The following PARVG variants were observed in gnomAD, a reference collection of about 807,000 sequenced individuals.
PARVG encodes parvin gamma.
A neutral mutation model predicts 44.4 loss-of-function variants in PARVG; 36 were observed. The observed-to-expected ratio is 0.81, with a 90% CI of 0.62 to 1.07. PARVG has a LOEUF of 1.07. Ranked by LOEUF, PARVG falls within the 50% of genes least tolerant of loss-of-function variation. The pLI, the probability that PARVG is intolerant of heterozygous loss-of-function variation, is 0.00. For synonymous variants in PARVG, 170 were observed against 174.1 expected (o/e 0.98, Z 0.19); for missense variants, 407 against 407.4 (o/e 1.00, Z 0.01).
chr22:44,204,362 G>T (rs911220073), intron 12 of PARVG, among the ~76,000 whole-genome samples: 1 of 152,198 alleles, frequency 6.6e-6, no homozygotes, highest in African/African-American at 2.4e-5. Flanking sequence ...CACATTGGAC[G>T]CACATGGCAG....
chr22:44,205,633 T>A, intron 12 of PARVG, 124 bp from the exon 13 acceptor site: 1 of 1,148,210 alleles, frequency 8.7e-7, no homozygotes, highest in Non-Finnish European at 1.3e-6. Context: ...GATGCCCACC[T>A]TGGATGGGAG....
intron 6 of PARVG, among the ~76,000 whole-genome samples, chr22:44,189,869 A>G (rs1198249055): frequency 1.3e-5 from 2 of 152,160 alleles, no homozygotes; most frequent in African/African-American, 4.8e-5. Context: ...GTGAGCCCAG[A>G]TTGCACCACT....
At chr22:44,204,952 G>C (rs1229940837) in intron 12 of PARVG, among the ~76,000 whole-genome samples, 1 of 152,194 alleles carries the variant, frequency 6.6e-6, no homozygotes, top group East Asian at 1.9e-4. Context: ...GGGCCGGCAG[G>C]CTCCTGGGCT....
intron 12 of PARVG, among the ~76,000 whole-genome samples, chr22:44,199,711 G>A (rs470111): frequency 0.48 from 72,807 of 151,770 alleles, 19,518 homozygotes; most frequent in Non-Finnish European, 0.61. Flanking sequence ...GAGGGGAGCC[G>A]GGAAGTTGAT....
chr22:44,181,419 G>GA (rs1364308277), intron 1 of PARVG: 2 of 984,450 alleles, frequency 2.0e-6, no homozygotes, highest in Non-Finnish European at 2.4e-6. Flanking sequence ...CTGGCCCGGG[G>GA]CGGGGTGTGG....
At chr22:44,183,683 C>T in intron 3 of PARVG, 2 of 441,466 alleles carry the variant, frequency 4.5e-6, no homozygotes, top group Non-Finnish European at 7.9e-6. Context: ...AGTGCCCCTA[C>T]TGCACCAGCA....
chr22:44,202,723 C>T (rs570252139), intron 12 of PARVG, among the ~76,000 whole-genome samples: 3 of 152,232 alleles, frequency 2.0e-5, no homozygotes, highest in Non-Finnish European at 4.4e-5. Flanking sequence ...AGGTGGGCCT[C>T]TGCGGAATTG....
In PARVG at chr22:44,206,515, T is replaced by C. The variant is rs565580675; in HGVS notation, c.*89T>C. ...GGTGTCCTCCCACAGTCCCGCTGTT[T>C]CCTGTGCATTCGTGACCCGCTTCCC... is the stretch of plus-strand genomic sequence containing the variant. On this transcript the variant is annotated 3_prime_UTR_variant, in exon 14 of 14. Coordinates refer to ENST00000444313, the MANE Select transcript of PARVG (RefSeq NM_022141.7). 1.1e-4 allele frequency: 128 copies of C among 1,170,340 alleles called. No individual in the cohort carries two copies. The highest frequency in any genetic ancestry group is 2.3e-5 in the Non-Finnish European group (18 of 787,444). 72.5% of individuals were successfully genotyped at this position (1,170,340 alleles called of 1,614,324 possible).
chr22:44,173,954 C>T (rs977851995), intron 1 of PARVG, among the ~76,000 whole-genome samples: 1 of 152,194 alleles, frequency 6.6e-6, no homozygotes, highest in Non-Finnish European at 1.5e-5. Flanking sequence ...CCTGTCTTCG[C>T]CTGCACTTTT....
intron 1 of PARVG, 82 bp downstream of exon 1, chr22:44,181,267 T>C (rs962785044): frequency 3.4e-5 from 31 of 910,328 alleles, no homozygotes; most frequent in Non-Finnish European, 3.9e-5. Context: ...TTGGTGGGTT[T>C]GAGTGAGTGG....
At chr22:44,177,637 C>T (rs569850174), upstream of PARVG, among the ~76,000 whole-genome samples, 40 of 152,242 alleles carry the variant, frequency 2.6e-4, no homozygotes, top group Admixed American at 5.2e-4. Flanking sequence ...CCAGGTTATG[C>T]GTTTTCGGTA....
At position 44,189,191 on chromosome 22, in the gene PARVG, G is replaced by A; in HGVS notation, c.325G>A (p.Val109Met). The part of the protein sequence containing the change: ...ATSQKHKLTV[V>M]LEAVNRSLQL... ...AAGCCAGAAGCACAAGCTCACAGTG[G>A]TGCTGGAGGCCGTGAACCGGAGTCT... Residue 109 changes from valine (V) to methionine (M), a missense_variant, in exon 6 of 14, where the codon GTG (valine) becomes ATG (methionine). Transcript: ENST00000444313. 4 of 1,614,254 alleles carry A rather than the reference G, an allele frequency of 2.5e-6. No homozygotes were observed. The highest frequency in any genetic ancestry group is 1.1e-5 in the South Asian group (1 of 91,090).
At chr22:44,193,306 G>T (rs547632614) in intron 8 of PARVG, among the ~76,000 whole-genome samples, 1 of 152,330 alleles carries the variant, frequency 6.6e-6, no homozygotes, top group East Asian at 1.9e-4. Flanking sequence ...ACGCAGTATG[G>T]TTTCATTTCC....
rs2054516287 is a variant in PARVG, at chr22:44,189,221, C to G, written c.355C>G (p.Leu119Val). ...GGAGGCCGTGAACCGGAGTCTGCAGCTGGAGGAGTGGCAGGCCAAGTGGAG... is the reference window on the plus strand; with the variant it reads ...GGAGGCCGTGAACCGGAGTCTGCAGGTGGAGGAGTGGCAGGCCAAGTGGAG... ...VLEAVNRSLQ[L>V]EEWQAKWSVE... The change falls in exon 6 of 14, where the codon CTG becomes GTG. Residue 119 changes from leucine to valine, a missense_variant. Transcript: ENST00000444313. 1 of 1,614,106 alleles carries G rather than the reference C, an allele frequency of 6.2e-7. No homozygotes were observed. The highest frequency in any genetic ancestry group is 1.7e-5 in the Admixed American group (1 of 60,012).
In PARVG at chr22:44,207,448, TG is replaced by T. The variant is rs1449562256; in HGVS notation, c.*1026del. 1 of 11,236 alleles carries T rather than the reference TG, an allele frequency of 8.9e-5. No individual in the cohort carries two copies. Among genetic ancestry groups the T allele is most frequent in the Admixed American group, 1.1e-3 (1 of 898 alleles). The allele number at this position is 11,236 out of a possible 1,614,324, so 0.7% of individuals were successfully genotyped here. On this transcript the variant is annotated 3_prime_UTR_variant, in exon 14 of 14. Transcript: ENST00000444313. ...GAGGGGTGAGGCTGGTGGGGAGGGC[TG>T]GGGCCTGGTGGGGAGGAGTGGGACT...
At chr22:44,181,224 C>A in intron 1 of PARVG, 39 bp downstream of exon 1, 1 of 603,074 alleles carries the variant, frequency 1.7e-6, no homozygotes, top group Non-Finnish European at 2.1e-6. Flanking sequence ...CCACGCACAG[C>A]CTGGATTTTA....
rs969132902 is a variant in PARVG at position 44,207,855 on chromosome 22, G to T, written c.*1429G>T. Reference sequence around the variant, plus strand: ...ACCCAAGCCCATAAGCGTGTTCCACGTGAGCACTCAGATGCACCCCTCTTC... The same window carrying T: ...ACCCAAGCCCATAAGCGTGTTCCACTTGAGCACTCAGATGCACCCCTCTTC... On this transcript the variant is annotated 3_prime_UTR_variant, in exon 14 of 14. Coordinates refer to ENST00000444313, the MANE Select transcript of PARVG (RefSeq NM_022141.7). The T allele has an allele frequency of 6.6e-6, 1 of 152,392 alleles. No individual in the cohort carries two copies. Among genetic ancestry groups the T allele is most frequent in the African/African-American group, 2.4e-5 (1 of 41,538 alleles). 9.4% of individuals were successfully genotyped at this position (152,392 alleles called of 1,614,324 possible). A position where few individuals can be genotyped will look rare whatever the true frequency, so the allele number is the denominator to read the frequency against.
At chr22:44,190,188 A>G (rs2054529154) in intron 6 of PARVG, among the ~76,000 whole-genome samples, 1 of 152,224 alleles carries the variant, frequency 6.6e-6, no homozygotes, top group South Asian at 2.1e-4. Context: ...ATTGATGTTG[A>G]TGAAATCAAC....
chr22:44,188,177 G>A, intron 5 of PARVG: 1 of 430,822 alleles, frequency 2.3e-6, no homozygotes, highest in East Asian at 4.4e-5. Context: ...GAGGTGCTGG[G>A]AGGTAACAAA....
Sources: gnomAD v4.1 joint callset for allele counts (sites outside exome capture counted in the v4.1 genomes callset) on GRCh38, gnomAD v4.1.1 for gene constraint, MANE v1.5 for transcripts, NCBI Gene and HGNC (gene_info 2026-07-23, HGNC 2026-07-21) for gene names.